SNX7: variants seen among roughly 807,000 people sequenced by gnomAD.
SNX7 encodes the protein sorting nexin 7.
In SNX7, 35 loss-of-function variants were observed where a neutral mutation model predicts 48.4. The ratio of observed to expected loss-of-function variants is 0.72; its 90% confidence interval spans 0.55 to 0.96. The LOEUF (loss-of-function observed/expected upper bound fraction) is 0.96, where lower values mean the gene tolerates loss of function less well. Ranked by LOEUF, SNX7 falls within the 40% of genes least tolerant of loss-of-function variation. The pLI is 0.00. For synonymous variants in SNX7, 190 were observed against 190.2 expected (o/e 1.00, Z 0.01); for missense variants, 553 against 548.9 (o/e 1.01, Z -0.07).
chr1:98,699,004 G>A (rs1025742215), intron 6 of SNX7, 99 bp downstream of exon 6: 1 of 1,113,284 alleles, frequency 9.0e-7, no homozygotes. Context: ...CTATCTTTTT[G>A]TCCTAGCAGG....
intron 7 of SNX7, among the ~76,000 whole-genome samples, chr1:98,711,855 GA>G (rs1449297743): frequency 6.6e-6 from 1 of 152,132 alleles, no homozygotes; most frequent in East Asian, 1.9e-4. Flanking sequence ...TTTGAAATTG[GA>G]GCCAATCCAT....
chr1:98,716,937 A>G (rs1652623489), intron 7 of SNX7, among the ~76,000 whole-genome samples: 1 of 152,084 alleles, frequency 6.6e-6, no homozygotes, highest in Admixed American at 6.6e-5. Flanking sequence ...TTTTAAGGCA[A>G]GTAACAATTA....
chr1:98,740,406 A>G (rs1372508240), intron 8 of SNX7, among the ~76,000 whole-genome samples: 1 of 152,182 alleles, frequency 6.6e-6, no homozygotes, highest in Non-Finnish European at 1.5e-5. Context: ...TTTAATTGAG[A>G]TAATTTATAA....
chr1:98,718,188 C>G (rs1376050579), intron 7 of SNX7, among the ~76,000 whole-genome samples: 1 of 152,052 alleles, frequency 6.6e-6, no homozygotes, highest in Admixed American at 6.6e-5. Flanking sequence ...TGTCCAATGT[C>G]AAATTTTTAG....
chr1:98,685,489 G>A (rs1338372187), intron 2 of SNX7, among the ~76,000 whole-genome samples: 1 of 152,016 alleles, frequency 6.6e-6, no homozygotes, highest in Non-Finnish European at 1.5e-5. Flanking sequence ...GGGACAGGTG[G>A]CCACTTTGTC....
chr1:98,697,476 C>CTA (rs1651522056), intron 5 of SNX7, among the ~76,000 whole-genome samples: 1 of 151,854 alleles, frequency 6.6e-6, no homozygotes, highest in Non-Finnish European at 1.5e-5. Flanking sequence ...CCACAAAAAG[C>CTA]TATACATCAT....
Position 98,691,621 on chromosome 1 carries a change from A to G in SNX7, c.561A>G (p.Lys187=). The G allele has an allele frequency of 6.2e-7, 1 of 1,612,130 alleles. No homozygotes were observed. Residue 187 remains lysine, a synonymous_variant, in exon 4 of 9, where the codon AAA becomes AAG. Transcript: ENST00000306121. ...AGACACGCAGGAAGGCTTTACATAA[A>G]TTTTTGAACCGAATTGCTGATCATC... The part of the protein sequence containing the change: ...FIETRRKALH[K]FLNRIADHPT...
Position 98,661,916 on chromosome 1 carries a change from G to T in SNX7, c.180+5G>T. 2 of 1,246,866 alleles carry T rather than the reference G, an allele frequency of 1.6e-6. 1 individual carries two copies. The highest frequency in any genetic ancestry group is 3.1e-5 in the African/African-American group (2 of 64,428). The allele number at this position is 1,246,866 out of a possible 1,614,324, so 77.2% of individuals were successfully genotyped here. A position where few individuals can be genotyped will look rare whatever the true frequency, so the allele number is the denominator to read the frequency against. ...GACCTGGAGGTGTTCAGCAAGGTGAGGGCGGCGGCGGCGAGTCCCGGGAAA... is the reference window on the plus strand; with the variant it reads ...GACCTGGAGGTGTTCAGCAAGGTGATGGCGGCGGCGGCGAGTCCCGGGAAA... On this transcript the variant is annotated splice_donor_5th_base_variant and intron_variant, in intron 1 of 8. Transcript: ENST00000306121.
At chr1:98,668,145 C>CA (rs1194054262) in intron 1 of SNX7, among the ~76,000 whole-genome samples, 1 of 152,066 alleles carries the variant, frequency 6.6e-6, no homozygotes, top group Non-Finnish European at 1.5e-5. Flanking sequence ...ATATGATCAA[C>CA]AATAAAACCA....
intron 7 of SNX7, among the ~76,000 whole-genome samples, chr1:98,718,466 C>T (rs1274350104): frequency 6.6e-6 from 1 of 152,044 alleles, no homozygotes; most frequent in Non-Finnish European, 1.5e-5. Context: ...ACAACCACTA[C>T]TCATTTATAT....
intron 8 of SNX7, among the ~76,000 whole-genome samples, chr1:98,743,413 G>A (rs978440010): frequency 6.6e-6 from 1 of 151,790 alleles, no homozygotes; most frequent in Admixed American, 6.6e-5. Context: ...CTGAATAAAA[G>A]GTTCTACTCT....
intron 7 of SNX7, among the ~76,000 whole-genome samples, chr1:98,731,199 T>C (rs1305894668): frequency 1.3e-5 from 2 of 151,016 alleles, no homozygotes; most frequent in Non-Finnish European, 2.9e-5. Context: ...AGTATAGGAA[T>C]ACTGTTTTTT....
chr1:98,737,783 C>T (rs2101034029), intron 7 of SNX7, among the ~76,000 whole-genome samples: 2 of 152,178 alleles, frequency 1.3e-5, no homozygotes, highest in East Asian at 1.9e-4. Flanking sequence ...TATAACCTCT[C>T]AGTTAGTTGA....
At chr1:98,691,495 T>C in intron 3 of SNX7, 40 bp from the exon 4 acceptor site, 1 of 1,505,376 alleles carries the variant, frequency 6.6e-7, no homozygotes. Context: ...AACCTATGGC[T>C]AATAATACTT....
At chr1:98,731,094 T>C (rs1240896783) in intron 7 of SNX7, among the ~76,000 whole-genome samples, 2 of 151,124 alleles carry the variant, frequency 1.3e-5, no homozygotes, top group Non-Finnish European at 2.9e-5. Flanking sequence ...CTGTGTAACA[T>C]ATTCCCCTCT....
chr1:98,699,884 G>C (rs1651661721), intron 6 of SNX7, among the ~76,000 whole-genome samples: 1 of 152,142 alleles, frequency 6.6e-6, no homozygotes, highest in Non-Finnish European at 1.5e-5. Context: ...AAAGCTTCTT[G>C]CTTCCCAAAA....
chr1:98,745,416 T>TC (rs1299298847), intron 8 of SNX7, among the ~76,000 whole-genome samples: 1 of 152,010 alleles, frequency 6.6e-6, no homozygotes, highest in Non-Finnish European at 1.5e-5. Context: ...CTTTTTACAG[T>TC]CATGCCTCCT....
chr1:98,755,196 A>T (rs1199601578), intron 8 of SNX7, among the ~76,000 whole-genome samples: 1 of 152,164 alleles, frequency 6.6e-6, no homozygotes, highest in Non-Finnish European at 1.5e-5. Flanking sequence ...TTTAAAATTT[A>T]TCAAGACTTA....
chr1:98,662,454 A>G, intron 1 of SNX7: 1 of 303,684 alleles, frequency 3.3e-6, no homozygotes, highest in South Asian at 2.9e-5. Context: ...TGTTTCTAAC[A>G]GGAAGCTCCT....
Sources: gnomAD v4.1 joint callset for allele counts (sites outside exome capture counted in the v4.1 genomes callset) on GRCh38, gnomAD v4.1.1 for gene constraint, MANE v1.5 for transcripts, NCBI Gene and HGNC (gene_info 2026-07-23, HGNC 2026-07-21) for gene names.